KLHL1: variants seen among roughly 807,000 people sequenced by gnomAD.
KLHL1 encodes the protein kelch like family member 1.
Under a neutral mutation model 77.7 loss-of-function variants are expected in KLHL1, and 47 were observed. That is an observed-to-expected ratio of 0.60 (90% CI 0.48 to 0.77). The LOEUF (loss-of-function observed/expected upper bound fraction) is 0.77, where lower values mean the gene tolerates loss of function less well. Ranked by LOEUF, KLHL1 falls within the 30% of genes least tolerant of loss-of-function variation. The probability of loss-of-function intolerance (pLI) is 0.00; values close to 1 mark genes in which losing one functional copy is unlikely to be tolerated. For missense variants in KLHL1, 925 were observed against 910.8 expected (o/e 1.02, Z -0.20); for synonymous variants, 360 against 325.2 (o/e 1.11, Z -1.15).
At position 70,107,519 on chromosome 13, in the gene KLHL1, C is replaced by T. The variant is rs781731142; in HGVS notation, c.181G>A (p.Glu61Lys). 1 of 1,611,988 alleles carries T rather than the reference C, an allele frequency of 6.2e-7. No individual in the cohort carries two copies. Among genetic ancestry groups the T allele is most frequent in the Admixed American group, 1.7e-5 (1 of 59,920 alleles). Residue 61 changes from glutamate (E) to lysine (K), a missense_variant, in exon 1 of 11, where the codon GAG becomes AAG. Transcript: ENST00000377844. ...CAGAAAGTGCTCACACCGCTTCTCT[C>T]TTGGCTTTTGAGCAGGCGACTCTGG... ...PSQSRLLKSQ[E>K]RSGVSTFWKK...
Position 69,780,715 on chromosome 13 carries a change from T to TACAC in KLHL1, c.1639+16022_1639+16023insGTGT, listed in dbSNP as rs1566243724. Among the ~76,000 whole-genome samples, 61 of 27,802 alleles carry TACAC rather than the reference T, an allele frequency of 2.2e-3. 3 individuals carry two copies. Among genetic ancestry groups the TACAC allele is most frequent in the African/African-American group, 0.013 (57 of 4,420 alleles). The allele number at this position is 27,802 out of a possible 152,430, so 18.2% of individuals were successfully genotyped here. A position where few individuals can be genotyped will look rare whatever the true frequency, so the allele number is the denominator to read the frequency against. ...ATATATATATATGTATATATATATATGTATATATATATATATACATATATA... is the reference window on the plus strand; with the variant it reads ...ATATATATATATGTATATATATATATACACGTATATATATATATATACATATATA... On this transcript the variant is annotated intron_variant, in intron 7 of 10. Transcript: ENST00000377844.
intron 7 of KLHL1, among the ~76,000 whole-genome samples, chr13:69,792,028 C>T (rs570571002): frequency 7.9e-5 from 12 of 152,132 alleles, no homozygotes; most frequent in East Asian, 7.7e-4. Context: ...AATACCTAGG[C>T]GATGGGTTGA....
At chr13:69,923,952 G>GCCTGGCCTCTTCCTACTCCCGGCAC (rs1220944335) in intron 4 of KLHL1, among the ~76,000 whole-genome samples, 1 of 152,214 alleles carries the variant, frequency 6.6e-6, no homozygotes, top group African/African-American at 2.4e-5. Context: ...TGCTCCTGCT[G>GCCTGGCCTCTTCCTACTCCCGGCAC]CCTGGCCTCT....
At chr13:70,070,846 A>G (rs1033502673) in intron 1 of KLHL1, among the ~76,000 whole-genome samples, 1 of 152,074 alleles carries the variant, frequency 6.6e-6, no homozygotes, top group Non-Finnish European at 1.5e-5. Flanking sequence ...GTGTTATTGC[A>G]ATGGGGACTT....
intron 7 of KLHL1, among the ~76,000 whole-genome samples, chr13:69,780,709 T>TATATATATATAC (rs1333208359): frequency 8.0e-5 from 3 of 37,346 alleles, no homozygotes; most frequent in South Asian, 7.5e-4. Flanking sequence ...TATGTATATA[T>TATATATATATAC]ATATATGTAT....
chr13:69,843,404 G>T (rs940115908), intron 5 of KLHL1, among the ~76,000 whole-genome samples: 44 of 151,720 alleles, frequency 2.9e-4, no homozygotes, highest in African/African-American at 1.0e-3. Context: ...TCATGACATA[G>T]ATTTAAATAT....
intron 7 of KLHL1, among the ~76,000 whole-genome samples, chr13:69,794,660 C>T (rs181680946): frequency 2.3e-4 from 35 of 151,612 alleles, no homozygotes; most frequent in South Asian, 2.1e-4. Context: ...AGGAACAGTA[C>T]GTAGCCTAAC....
At chr13:69,779,333 CTTCCTTCCTTCCCTCCTCTTTTTTCCT>C (rs1388740894) in intron 7 of KLHL1, among the ~76,000 whole-genome samples, 1 of 147,274 alleles carries the variant, frequency 6.8e-6, no homozygotes, top group African/African-American at 2.5e-5. Flanking sequence ...AAAGGTCTTC[CTTCCTTCCTTCCCTCCTCTTTTTTCCT>C]TTCCTTCCTC....
chr13:70,052,309 C>A (rs1886648035), intron 1 of KLHL1, among the ~76,000 whole-genome samples: 1 of 151,614 alleles, frequency 6.6e-6, no homozygotes, highest in African/African-American at 2.4e-5. Flanking sequence ...AAAACAATTA[C>A]TTTGGCCCTA....
At chr13:70,017,556 G>A (rs1885688637) in intron 1 of KLHL1, among the ~76,000 whole-genome samples, 1 of 152,168 alleles carries the variant, frequency 6.6e-6, no homozygotes, top group South Asian at 2.1e-4. Flanking sequence ...CTCCACACCT[G>A]GATTGCCCTT....
At chr13:70,051,332 G>T (rs1886624622) in intron 1 of KLHL1, among the ~76,000 whole-genome samples, 2 of 152,110 alleles carry the variant, frequency 1.3e-5, no homozygotes, top group South Asian at 2.1e-4. Context: ...ACATGAAAAT[G>T]AATGGCAGAT....
intron 4 of KLHL1, among the ~76,000 whole-genome samples, chr13:69,885,033 C>T (rs963536030): frequency 3.7e-5 from 5 of 134,048 alleles, no homozygotes; most frequent in Non-Finnish European, 7.7e-5. Flanking sequence ...CTCCGCTTCC[C>T]GGGTTCACGC....
chr13:69,855,989 T>TTA (rs921542057), intron 5 of KLHL1, among the ~76,000 whole-genome samples: 3 of 147,788 alleles, frequency 2.0e-5, no homozygotes, highest in African/African-American at 7.4e-5. Flanking sequence ...TTTTTATATA[T>TTA]TATATATATA....
At chr13:69,743,553 G>A (rs1407984719) in intron 7 of KLHL1, among the ~76,000 whole-genome samples, 3 of 152,172 alleles carry the variant, frequency 2.0e-5, no homozygotes, top group African/African-American at 7.2e-5. Flanking sequence ...GAGAGGCTGA[G>A]GTGGGCAAAT....
At chr13:69,984,279 G>A (rs1303661558) in intron 1 of KLHL1, among the ~76,000 whole-genome samples, 2 of 152,134 alleles carry the variant, frequency 1.3e-5, no homozygotes, top group African/African-American at 4.8e-5. Flanking sequence ...AAAAAAAGCA[G>A]CCTTTAAAAT....
At chr13:70,094,437 C>T (rs940776100) in intron 1 of KLHL1, among the ~76,000 whole-genome samples, 5 of 134,382 alleles carry the variant, frequency 3.7e-5, no homozygotes, top group South Asian at 4.5e-4. Context: ...TCATTGATGA[C>T]TGGATTGAAT....
chr13:69,959,557 T>TAAAA (rs35521937), intron 3 of KLHL1, among the ~76,000 whole-genome samples: 5 of 144,960 alleles, frequency 3.4e-5, no homozygotes, highest in Admixed American at 1.4e-4. Context: ...GACTACTCAT[T>TAAAA]AAAAAAAAAA....
intron 1 of KLHL1, 89 bp from the exon 2 acceptor site, chr13:69,975,891 T>C: frequency 5.1e-6 from 7 of 1,377,102 alleles, no homozygotes; most frequent in Non-Finnish European, 6.6e-6. Flanking sequence ...CAGGTTTTTA[T>C]CATTTTCTTA....
At chr13:70,006,596 G>A (rs1885413707) in intron 1 of KLHL1, among the ~76,000 whole-genome samples, 1 of 151,018 alleles carries the variant, frequency 6.6e-6, no homozygotes, top group South Asian at 2.1e-4. Flanking sequence ...TTTGTCCTGG[G>A]GCTTTCATTG....
Sources: gnomAD v4.1 joint callset for allele counts (sites outside exome capture counted in the v4.1 genomes callset) on GRCh38, gnomAD v4.1.1 for gene constraint, MANE v1.5 for transcripts, NCBI Gene and HGNC (gene_info 2026-07-23, HGNC 2026-07-21) for gene names.